Variants in OCA2 observed in about 807,000 individuals in gnomAD.
The protein encoded by OCA2 is P protein.
Under a neutral mutation model 100.2 loss-of-function variants are expected in OCA2, and 77 were observed. The ratio of observed to expected loss-of-function variants is 0.77; its 90% CI spans 0.64 to 0.93. The LOEUF is 0.93. OCA2 is among the 40% of genes least tolerant of loss of function. OCA2 has a pLI of 0.00. For missense variants in OCA2, 1,062 were observed against 1,089.1 expected (o/e 0.98, Z 0.35); for synonymous variants, 432 against 439.2 (o/e 0.98, Z 0.21).
intron 19 of OCA2, among the ~76,000 whole-genome samples, chr15:27,897,209 T>C (rs1380987570): frequency 1.3e-5 from 2 of 149,140 alleles, no homozygotes; most frequent in South Asian, 4.2e-4. Context: ...AAAAAAGAAA[T>C]CTTCTTGGCA....
intron 23 of OCA2, among the ~76,000 whole-genome samples, chr15:27,772,290 T>C (rs12592078): frequency 0.15 from 23,518 of 152,200 alleles, 2,965 homozygotes; most frequent in East Asian, 0.59. Context: ...GTATGCATTA[T>C]TGTTTTTGCC....
chr15:28,055,485 T>C (rs2043662627), intron 2 of OCA2, among the ~76,000 whole-genome samples: 1 of 152,268 alleles, frequency 6.6e-6, no homozygotes, highest in South Asian at 2.1e-4. Context: ...TTGGGCAGAG[T>C]TGGCCTTTCA....
chr15:27,909,842 T>C (rs2038318875), intron 19 of OCA2, among the ~76,000 whole-genome samples: 1 of 152,016 alleles, frequency 6.6e-6, no homozygotes, highest in Non-Finnish European at 1.5e-5. Flanking sequence ...AAACTGAAAA[T>C]CCAGAGACAT....
chr15:28,080,825 T>C (rs2044597959), intron 2 of OCA2, among the ~76,000 whole-genome samples: 1 of 152,242 alleles, frequency 6.6e-6, no homozygotes, highest in African/African-American at 2.4e-5. Context: ...CTATGTGAAC[T>C]GCAAATTATG....
intron 2 of OCA2, among the ~76,000 whole-genome samples, chr15:28,041,289 A>G (rs1313567132): frequency 2.0e-5 from 3 of 150,544 alleles, no homozygotes; most frequent in Non-Finnish European, 2.9e-5. Context: ...TGCAGGAAAA[A>G]CATTTGACAA....
chr15:27,957,409 G>A lies in OCA2; in HGVS notation c.1784+179C>T, dbSNP rs966523446. On this transcript the variant is annotated intron_variant, in intron 16 of 23. Transcript: ENST00000354638. The surrounding 1 kb of genome is among the most constrained non-coding windows in gnomAD (Gnocchi z 4.3). ...TGTTGTTTCTTTGGTCCTTAAACTC[G>A]GCTGTGTACCCCCTGCAGAGCTCAG... Among the ~76,000 whole-genome samples the A allele has an allele frequency of 3.3e-5, 5 of 152,128 alleles. No individual in the cohort carries two copies. The highest frequency in any genetic ancestry group is 2.9e-5 in the Non-Finnish European group (2 of 68,034).
At chr15:27,902,885 G>A (rs1156626630) in intron 19 of OCA2, among the ~76,000 whole-genome samples, 1 of 152,226 alleles carries the variant, frequency 6.6e-6, no homozygotes, top group Non-Finnish European at 1.5e-5. Flanking sequence ...AAATCACGCT[G>A]ACGCACACGC....
intron 23 of OCA2, among the ~76,000 whole-genome samples, chr15:27,790,773 C>T (rs2033042620): frequency 6.7e-6 from 1 of 148,974 alleles, no homozygotes; most frequent in African/African-American, 2.5e-5. Context: ...TCAATTATAC[C>T]TCAATTACCC....
intron 19 of OCA2, among the ~76,000 whole-genome samples, chr15:27,884,185 C>T (rs2037133422): frequency 6.6e-6 from 1 of 152,100 alleles, no homozygotes; most frequent in Admixed American, 6.5e-5. Flanking sequence ...AGTTCAAGAC[C>T]AGCCTGGTCA....
chr15:27,923,435 C>T (rs1193812756), intron 19 of OCA2, among the ~76,000 whole-genome samples: 2 of 152,118 alleles, frequency 1.3e-5, no homozygotes, highest in African/African-American at 4.8e-5. Context: ...AAGGAATCAC[C>T]ACACTGCTTT....
chr15:27,863,264 C>T (rs1316558704), intron 21 of OCA2, among the ~76,000 whole-genome samples: 1 of 152,206 alleles, frequency 6.6e-6, no homozygotes, highest in Non-Finnish European at 1.5e-5. Context: ...AGCCACCCAG[C>T]AGCAGTTCCG....
chr15:28,014,763 G>C lies in OCA2; in HGVS notation c.1044+13C>G, dbSNP rs1013487670. ...GGGCCCAGACAGATCGGGGGAGCAG[G>C]TGTGAAAGTTACCTCAAATATGATC... On this transcript the variant is annotated intron_variant, in intron 9 of 23. Coordinates refer to ENST00000354638, the MANE Select transcript of OCA2 (RefSeq NM_000275.3). 1 of 1,610,974 alleles carries C rather than the reference G, an allele frequency of 6.2e-7. No individual in the cohort carries two copies. Among genetic ancestry groups the C allele is most frequent in the African/African-American group, 1.3e-5 (1 of 74,894 alleles).
At chr15:27,785,790 C>T (rs923803813) in intron 23 of OCA2, among the ~76,000 whole-genome samples, 3 of 152,144 alleles carry the variant, frequency 2.0e-5, no homozygotes, top group Non-Finnish European at 4.4e-5. Flanking sequence ...TCATTGTACA[C>T]CCATGTTCCT....
chr15:27,890,279 A>G (rs1294655008), intron 19 of OCA2, among the ~76,000 whole-genome samples: 1 of 152,236 alleles, frequency 6.6e-6, no homozygotes, highest in Non-Finnish European at 1.5e-5. Flanking sequence ...GCAAGGTTAG[A>G]AAAGTACAGT....
intron 9 of OCA2, among the ~76,000 whole-genome samples, chr15:28,006,801 C>T (rs1378953314): frequency 2.6e-5 from 4 of 152,312 alleles, no homozygotes; most frequent in South Asian, 2.1e-4. Context: ...TAAATTGCAG[C>T]CCTGCAGAGC....
chr15:27,925,749 C>T (rs553806766), intron 19 of OCA2, among the ~76,000 whole-genome samples: 5 of 152,112 alleles, frequency 3.3e-5, no homozygotes, highest in South Asian at 2.1e-4. Flanking sequence ...TCCGTGATAA[C>T]GGAAATGTTA....
At chr15:27,771,269 C>T (rs1273994574) in intron 23 of OCA2, among the ~76,000 whole-genome samples, 1 of 151,964 alleles carries the variant, frequency 6.6e-6, no homozygotes, top group East Asian at 1.9e-4. Context: ...CACTCTCCAC[C>T]GCGGTCCCGC....
chr15:27,847,583 G>A (rs1336998513), intron 22 of OCA2, among the ~76,000 whole-genome samples: 4 of 152,198 alleles, frequency 2.6e-5, no homozygotes, highest in Non-Finnish European at 5.9e-5. Flanking sequence ...CGGAAAGGAG[G>A]CCCTGGAGAG....
chr15:27,988,657 T>C (rs1208270599), intron 11 of OCA2, among the ~76,000 whole-genome samples: 1 of 152,200 alleles, frequency 6.6e-6, no homozygotes, highest in African/African-American at 2.4e-5. Flanking sequence ...TGTGGTACTT[T>C]GTTACATAGT....
Sources: gnomAD v4.1 joint callset for allele counts (sites outside exome capture counted in the v4.1 genomes callset) on GRCh38, gnomAD v4.1.1 for gene constraint, Gnocchi (gnomAD v3.1) non-coding constraint, MANE v1.5 for transcripts, NCBI Gene and HGNC (gene_info 2026-07-23, HGNC 2026-07-21) for gene names.